Variants in MICAL1 observed in about 807,000 individuals in gnomAD.
MICAL1 encodes the protein microtubule associated monooxygenase, calponin and LIM domain containing 1.
MICAL1 carries 95 observed loss-of-function variants against 131.8 expected under a neutral mutation model. The observed-to-expected ratio is 0.72, with a 90% CI of 0.61 to 0.86. MICAL1 has a LOEUF of 0.86. Among genes scored for constraint, MICAL1 ranks in the 40% least tolerant of loss-of-function variants. The pLI is 0.00. For synonymous variants in MICAL1, 546 were observed against 554.2 expected (o/e 0.99, Z 0.21); for missense variants, 1,292 against 1,380.6 (o/e 0.94, Z 1.02).
In MICAL1 at chr6:109,445,243, T is replaced by G. The variant is rs768182802; in HGVS notation, c.2835A>C (p.Leu945=). ...LNEIEAALRE[L]EAEGVKLELA... The stretch of plus-strand genomic sequence containing the variant: ...GCTCCAGCTTCACGCCCTCGGCCTC[T>G]AGCTCCCTCAAGGCAGCCTCAATCT... Residue 945 remains leucine, a synonymous_variant, in exon 22 of 25, where the codon CTA becomes CTC. Coordinates refer to ENST00000358807, the MANE Select transcript of MICAL1 (RefSeq NM_022765.4). 6.2e-7 allele frequency: 1 copy of G among 1,613,960 alleles called. No homozygotes were observed. The highest frequency in any genetic ancestry group is 8.5e-7 in the Non-Finnish European group (1 of 1,180,042).
chr6:109,449,670 A>G lies in MICAL1; in HGVS notation c.1421T>C (p.Val474Ala). ...TRYPNLNLRA[V>A]TPNQVRDLYD... ...CGGGGGTCTGACCTGATTGGGGGTC[A>G]CTGCCCGGAGGTTCAGGTTGGGGTA... Residue 474 changes from valine (V) to alanine (A), a missense_variant, in exon 10 of 25, where the codon GTG (valine) becomes GCG (alanine). Val to Ala is a moderately conservative substitution (Grantham distance 64). Coordinates refer to ENST00000358807, the MANE Select transcript of MICAL1 (RefSeq NM_022765.4). The G allele has an allele frequency of 6.3e-7, 1 of 1,581,058 alleles. No individual in the cohort carries two copies. The highest frequency in any genetic ancestry group is 1.8e-5 in the Admixed American group (1 of 57,096).
chr6:109,459,618 A>T (rs1775839287), upstream of MICAL1, among the ~76,000 whole-genome samples: 1 of 152,168 alleles, frequency 6.6e-6, no homozygotes, highest in Non-Finnish European at 1.5e-5. Context: ...CTTCCCCAGA[A>T]GTCAAAGCAC....
chr6:109,458,263 G>T (rs1775806065), upstream of MICAL1, among the ~76,000 whole-genome samples: 1 of 152,158 alleles, frequency 6.6e-6, no homozygotes, highest in African/African-American at 2.4e-5. Flanking sequence ...ATTCATATTG[G>T]ATCAAATAAG....
At chr6:109,447,495 G>C (rs903184271) in intron 15 of MICAL1, 55 bp from the exon 16 acceptor site, 1 of 1,568,170 alleles carries the variant, frequency 6.4e-7, no homozygotes, top group South Asian at 1.2e-5. Context: ...CAGCTGGGAG[G>C]GGATGCGTAC....
Position 109,455,274 on chromosome 6 carries a change from T to C in MICAL1, c.-44+445A>G, listed in dbSNP as rs1775701470. Among the ~76,000 whole-genome samples, 1 of 152,076 alleles carries C rather than the reference T, an allele frequency of 6.6e-6. No homozygotes were observed. Among genetic ancestry groups the C allele is most frequent in the South Asian group, 2.1e-4 (1 of 4,814 alleles). ...CCCTGAGGCTCAGGCCCCTCCACCA[T>C]CCAGCTGCCCCTCCGTTCCCAGCCC... On this transcript the variant is annotated intron_variant, in intron 1 of 24. Transcript: ENST00000358807. The surrounding 1 kb of genome is among the most constrained non-coding windows in gnomAD (Gnocchi z 4.7).
upstream of MICAL1, among the ~76,000 whole-genome samples, chr6:109,459,773 A>G (rs1464607273): frequency 6.6e-6 from 1 of 152,202 alleles, no homozygotes; most frequent in Non-Finnish European, 1.5e-5. Flanking sequence ...AAACACTAAG[A>G]TTATAAGAAA....
chr6:109,445,020 G>C, intron 22 of MICAL1, 25 bp from the exon 23 acceptor site: 2 of 1,609,824 alleles, frequency 1.2e-6, no homozygotes, highest in Non-Finnish European at 1.7e-6. Flanking sequence ...GATGGGTAGG[G>C]TGATCAGGAG....
Position 109,444,236 on chromosome 6 carries a change from C to T in MICAL1, c.3159G>A (p.Glu1053=). 1 of 1,613,654 alleles carries T rather than the reference C, an allele frequency of 6.2e-7. No individual in the cohort carries two copies. The highest frequency in any genetic ancestry group is 8.5e-7 in the Non-Finnish European group (1 of 1,180,024). Residue 1053 remains glutamate, a synonymous_variant, in exon 25 of 25, where the codon GAG becomes GAA. Coordinates refer to ENST00000358807, the MANE Select transcript of MICAL1 (RefSeq NM_022765.4). The part of the protein sequence containing the change: ...QRDALIRFQE[E]RRLSELALGT... ...CCAAGGCCAGCTCGCTGAGCCTGCG[C>T]TCCTCCTGGAAGCGGATGAGGGCAT...
In MICAL1 at chr6:109,447,455, G is replaced by A; in HGVS notation, c.1987-15C>T. On this transcript the variant is annotated splice_polypyrimidine_tract_variant and intron_variant, in intron 15 of 24. Coordinates refer to ENST00000358807, the MANE Select transcript of MICAL1 (RefSeq NM_022765.4). ...TCGGCCTCCATCTAAGGAGGTAAGT[G>A]CTCAGGCAGGGAGGGTAGAGGGGCA... 1 of 1,607,582 alleles carries A rather than the reference G, an allele frequency of 6.2e-7. No individual in the cohort carries two copies. The highest frequency in any genetic ancestry group is 8.5e-7 in the Non-Finnish European group (1 of 1,176,552).
At chr6:109,462,546 A>ATAAGCATCTATAATGAGAATCCTAGG (rs1353110961) in intron 1 of MICAL1, 1 of 152,256 alleles carries the variant, frequency 6.6e-6, no homozygotes, top group Non-Finnish European at 1.5e-5. Context: ...GAAAACCTAG[A>ATAAGCATCTATAATGAGAATCCTAGG]TAAGCATCTA....
At position 109,449,991 on chromosome 6, in the gene MICAL1, G is replaced by A. The variant is rs776402952; in HGVS notation, c.1286C>T (p.Ser429Phe). 1.5e-5 allele frequency: 24 copies of A among 1,613,808 alleles called. No individual in the cohort carries two copies. The Admixed American group carries it at 1.8e-4, about 12-fold the overall frequency. Reference protein sequence around the residue: ...MVKRWAEGAESLEVLAERESL... With the variant: ...MVKRWAEGAEFLEVLAERESL... ...TTACCGCTCAGCCAACACCTCTAGGGACTCAGCGCCCTCTGCCCACCGCTT... is the reference window on the plus strand; with the variant it reads ...TTACCGCTCAGCCAACACCTCTAGGAACTCAGCGCCCTCTGCCCACCGCTT... The change falls in exon 9 of 25, where the codon TCC (serine) becomes TTC (phenylalanine). Residue 429 changes from serine to phenylalanine, a missense_variant. Physicochemically the swap from Ser to Phe is radical, Grantham distance 155 (BLOSUM62 -2). Coordinates refer to ENST00000358807, the MANE Select transcript of MICAL1 (RefSeq NM_022765.4).
chr6:109,465,656 A>G, intron 1 of MICAL1: 1 of 1,567,556 alleles, frequency 6.4e-7, no homozygotes, highest in Admixed American at 1.9e-5. Context: ...CTCAATACAA[A>G]TCAGTACCTT....
In MICAL1 at chr6:109,455,287, C is replaced by CG. The variant is rs1453032952; in HGVS notation, c.-44+431_-44+432insC. 2.0e-5 allele frequency among the ~76,000 whole-genome samples: 3 copies of CG among 152,194 alleles called. No homozygotes were observed. Among genetic ancestry groups the CG allele is most frequent in the African/African-American group, 7.2e-5 (3 of 41,452 alleles). On this transcript the variant is annotated intron_variant, in intron 1 of 24. Coordinates refer to ENST00000358807, the MANE Select transcript of MICAL1 (RefSeq NM_022765.4). This position sits in a 1 kb window ranked among gnomAD's most constrained non-coding sequence, Gnocchi z 4.7. ...GCCCCTCCACCATCCAGCTGCCCCT[C>CG]CGTTCCCAGCCCGCCGCGCCGAGAC...
intron 7 of MICAL1, 74 bp downstream of exon 7, chr6:109,451,526 C>A (rs1775542364): frequency 2.5e-6 from 4 of 1,569,476 alleles, no homozygotes; most frequent in Non-Finnish European, 3.5e-6. Flanking sequence ...ACCCAGGTGT[C>A]GACTATGTCC....
chr6:109,444,217 C>A lies in MICAL1; in HGVS notation c.3178G>T (p.Ala1060Ser). The change falls in exon 25 of 25, where the codon GCC becomes TCC. Residue 1060 changes from alanine (A) to serine (S), a missense_variant. By Grantham distance (99) the Ala-to-Ser change is moderately conservative (BLOSUM62 1). Transcript: ENST00000358807. The part of the protein sequence containing the change: ...FQEERRLSEL[A>S]LGTGAQG ...TAGCCCTGGGCCCCTGTCCCCAAGG[C>A]CAGCTCGCTGAGCCTGCGCTCCTCC... 1.2e-6 allele frequency: 2 copies of A among 1,613,442 alleles called. No individual in the cohort carries two copies. Among genetic ancestry groups the A allele is most frequent in the East Asian group, 4.5e-5 (2 of 44,886 alleles).
At chr6:109,447,797 C>A in intron 14 of MICAL1, 75 bp from the exon 15 acceptor site, 4 of 1,612,194 alleles carry the variant, frequency 2.5e-6, no homozygotes, top group Non-Finnish European at 3.4e-6. Flanking sequence ...ATGTCCTCAC[C>A]ATCACCCCAG....
upstream of MICAL1, among the ~76,000 whole-genome samples, chr6:109,460,720 T>C (rs1397585602): frequency 6.6e-6 from 1 of 152,222 alleles, no homozygotes; most frequent in African/African-American, 2.4e-5. Context: ...ATCTGCTATT[T>C]ACAAAAGCAA....
chr6:109,448,000 G>A (rs765892982), intron 13 of MICAL1, 37 bp from the exon 14 acceptor site: 5 of 1,560,854 alleles, frequency 3.2e-6, no homozygotes, highest in South Asian at 2.4e-5. Flanking sequence ...TGGATGGGGG[G>A]TGCCAATACT....
At chr6:109,450,628 G>C in intron 7 of MICAL1, 71 bp from the exon 8 acceptor site, 1 of 1,497,012 alleles carries the variant, frequency 6.7e-7, no homozygotes. Flanking sequence ...CCACCCCCTT[G>C]GGCGCAGAAG....
Sources: allele counts gnomAD v4.1 joint callset (sites outside exome capture counted in the v4.1 genomes callset), GRCh38; gene constraint gnomAD v4.1.1; non-coding constraint Gnocchi (gnomAD v3.1); transcripts MANE v1.5; gene names NCBI Gene and HGNC (gene_info 2026-07-23, HGNC 2026-07-21).